The following OSBP2 variants were observed in gnomAD, a reference collection of about 807,000 sequenced individuals.
OSBP2 encodes oxysterol binding protein 2.
Under a neutral mutation model 96.0 loss-of-function variants are expected in OSBP2, and 66 were observed. The observed-to-expected ratio is 0.69, with a 90% CI of 0.56 to 0.84. The LOEUF is 0.84. OSBP2 is among the 40% of genes least tolerant of loss of function. OSBP2 has a pLI of 0.00. For missense variants in OSBP2, 1,038 were observed against 1,222.7 expected (o/e 0.85, Z 2.25); for synonymous variants, 525 against 520.9 (o/e 1.01, Z -0.11).
chr22:30,858,044 C>T (rs2039114454), intron 2 of OSBP2, among the ~76,000 whole-genome samples: 2 of 151,922 alleles, frequency 1.3e-5, no homozygotes, highest in South Asian at 4.2e-4. Context: ...TCTTTGCAGG[C>T]ACTGCGCAGC....
At chr22:30,822,723 G>A (rs774423229) in intron 2 of OSBP2, 78 of 1,518,522 alleles carry the variant, frequency 5.1e-5, no homozygotes, top group Admixed American at 8.0e-5. Flanking sequence ...AGTGCTTGCC[G>A]GGCTTCCACC....
intron 2 of OSBP2, among the ~76,000 whole-genome samples, chr22:30,811,808 G>A (rs1602299411): frequency 6.6e-6 from 1 of 151,738 alleles, no homozygotes; most frequent in East Asian, 1.9e-4. Context: ...GCCCACCTCG[G>A]CCTCCCAAAG....
intron 2 of OSBP2, among the ~76,000 whole-genome samples, chr22:30,807,753 G>A (rs566357636): frequency 6.6e-6 from 1 of 152,206 alleles, no homozygotes; most frequent in Admixed American, 6.5e-5. Context: ...TCCAGAGCAC[G>A]CTTGCTCAGT....
At chr22:30,735,410 CTTTTTTTT>C (rs774749546) in intron 1 of OSBP2, among the ~76,000 whole-genome samples, 1 of 100,598 alleles carries the variant, frequency 9.9e-6, no homozygotes, top group African/African-American at 4.1e-5. Flanking sequence ...TCTTCTCTCT[CTTTTTTTT>C]TTTTTTTTTT....
chr22:30,853,295 G>A (rs2039011301), intron 2 of OSBP2, among the ~76,000 whole-genome samples: 1 of 151,996 alleles, frequency 6.6e-6, no homozygotes, highest in South Asian at 2.1e-4. Context: ...GCTCTGTCAC[G>A]AGGCACGTGC....
intron 1 of OSBP2, among the ~76,000 whole-genome samples, chr22:30,713,841 G>A (rs913618529): frequency 1.5e-4 from 23 of 152,040 alleles, no homozygotes; most frequent in African/African-American, 4.6e-4. Flanking sequence ...TGTATACCAC[G>A]TGTAATGATC....
chr22:30,848,474 T>G (rs545008922), intron 2 of OSBP2, among the ~76,000 whole-genome samples: 93 of 152,346 alleles, frequency 6.1e-4, no homozygotes, highest in African/African-American at 1.8e-3. Flanking sequence ...CAAAATGAAC[T>G]GATTTTAACT....
At chr22:30,693,804 T>G (rs910311751), upstream of OSBP2, 4 of 405,586 alleles carry the variant, frequency 9.9e-6, no homozygotes, top group African/African-American at 8.4e-5. Flanking sequence ...CCGTTTCTAC[T>G]AAAAATACAA....
intron 3 of OSBP2, chr22:30,872,221 C>T (rs1323878515): frequency 4.4e-6 from 2 of 456,308 alleles, no homozygotes; most frequent in East Asian, 6.9e-5. Context: ...GCCCACAGAC[C>T]AGATTGCTGT....
At chr22:30,780,149 G>A (rs1171377116) in intron 2 of OSBP2, among the ~76,000 whole-genome samples, 6 of 152,344 alleles carry the variant, frequency 3.9e-5, no homozygotes, top group East Asian at 1.9e-4. Context: ...CCACAGCCCC[G>A]GGCGAGCAGA....
At chr22:30,892,411 G>A (rs753806124) in intron 8 of OSBP2, among the ~76,000 whole-genome samples, 9 of 152,092 alleles carry the variant, frequency 5.9e-5, no homozygotes, top group Admixed American at 2.0e-4. Flanking sequence ...TGCGGGCAGC[G>A]GGATCCCGGC....
At chr22:30,790,974 T>TTTTA (rs998955696) in intron 2 of OSBP2, among the ~76,000 whole-genome samples, 2 of 152,238 alleles carry the variant, frequency 1.3e-5, no homozygotes, top group African/African-American at 2.4e-5. Context: ...TTCTTTCATT[T>TTTTA]TTTATTTATT....
At chr22:30,856,779 GAAAA>G (rs111339901) in intron 2 of OSBP2, among the ~76,000 whole-genome samples, 1 of 147,674 alleles carries the variant, frequency 6.8e-6, no homozygotes. Context: ...ATTTCTTTTA[GAAAA>G]AAAAAAAAAA....
At chr22:30,707,958 G>T (rs146849192) in intron 1 of OSBP2, among the ~76,000 whole-genome samples, 2,451 of 151,668 alleles carry the variant, frequency 0.016, 62 homozygotes, top group African/African-American at 0.055. Context: ...TGCAGTCTTG[G>T]CTCACTGCAA....
intron 1 of OSBP2, among the ~76,000 whole-genome samples, chr22:30,728,668 T>G (rs1381465736): frequency 1.3e-5 from 2 of 152,060 alleles, no homozygotes; most frequent in Non-Finnish European, 2.9e-5. Flanking sequence ...GGCTAACTTT[T>G]TCTTATTTTT....
Position 30,832,274 on chromosome 22 carries a change from T to C in OSBP2, c.854-38155T>C, listed in dbSNP as rs112418546. 4.2e-3 allele frequency among the ~76,000 whole-genome samples: 634 copies of C among 152,220 alleles called. 1 individual carries two copies. Among genetic ancestry groups the C allele is most frequent in the Non-Finnish European group, 5.9e-3 (402 of 68,004 alleles). On this transcript the variant is annotated intron_variant, in intron 2 of 13. Transcript: ENST00000332585. ...TAAATGATATGAACTATGCAGTTAATTTTCTTTTTCTTTTTTCTTTTCTTT... is the reference window on the plus strand; with the variant it reads ...TAAATGATATGAACTATGCAGTTAACTTTCTTTTTCTTTTTTCTTTTCTTT...
intron 3 of OSBP2, among the ~76,000 whole-genome samples, chr22:30,876,496 A>G (rs2039581430): frequency 6.6e-6 from 1 of 152,236 alleles, no homozygotes; most frequent in South Asian, 2.1e-4. Context: ...GCTTTCAGCC[A>G]TGAGAGAGAA....
At chr22:30,808,975 G>A (rs536777261) in intron 2 of OSBP2, among the ~76,000 whole-genome samples, 1 of 152,174 alleles carries the variant, frequency 6.6e-6, no homozygotes, top group African/African-American at 2.4e-5. Flanking sequence ...TGTGGACTTA[G>A]ACACACACAC....
chr22:30,709,796 A>G (rs2089316890), intron 1 of OSBP2, among the ~76,000 whole-genome samples: 1 of 151,978 alleles, frequency 6.6e-6, no homozygotes. Context: ...TTGGCTTCCC[A>G]AAGTGCTGGT....
Sources: gnomAD v4.1 joint callset for allele counts (sites outside exome capture counted in the v4.1 genomes callset) on GRCh38, gnomAD v4.1.1 for gene constraint, MANE v1.5 for transcripts, NCBI Gene and HGNC (gene_info 2026-07-23, HGNC 2026-07-21) for gene names.